The following TPTE2 variants were observed in gnomAD, a reference collection of about 807,000 sequenced individuals.
TPTE2 encodes the protein transmembrane phosphoinositide 3-phosphatase and tensin homolog 2.
In TPTE2, 53 loss-of-function variants were observed where a neutral mutation model predicts 78.6. The ratio of observed to expected loss-of-function variants is 0.67; its 90% CI spans 0.54 to 0.85. The LOEUF (loss-of-function observed/expected upper bound fraction) is 0.85. Ranked by LOEUF, TPTE2 falls within the 40% of genes least tolerant of loss-of-function variation. The probability of loss-of-function intolerance (pLI) is 0.00; values close to 1 mark genes in which losing one functional copy is unlikely to be tolerated. For synonymous variants in TPTE2, 175 were observed against 206.2 expected, an observed-to-expected ratio of 0.85 and a Z score of 1.30; for missense variants, 461 against 623.0, an observed-to-expected ratio of 0.74 and a Z score of 2.77.
intron 10 of TPTE2, among the ~76,000 whole-genome samples, chr13:19,463,973 A>T (rs916739554): frequency 3.9e-5 from 6 of 152,100 alleles, no homozygotes; most frequent in African/African-American, 1.4e-4. Flanking sequence ...TGCATGCAGC[A>T]TATGGTGGCT....
intron 1 of TPTE2, among the ~76,000 whole-genome samples, chr13:19,508,558 G>A (rs1869223744): frequency 6.6e-6 from 1 of 152,022 alleles, no homozygotes. Flanking sequence ...ATAGTAGTTT[G>A]GATACATGTG....
chr13:19,453,522 T>C (rs1355587889), intron 10 of TPTE2, among the ~76,000 whole-genome samples: 2 of 101,286 alleles, frequency 2.0e-5, no homozygotes, highest in Admixed American at 1.3e-4. Context: ...ATGATATATA[T>C]ATATCATTTT....
intron 10 of TPTE2, chr13:19,458,770 C>T: frequency 1.0e-5 from 4 of 397,136 alleles, no homozygotes; most frequent in Non-Finnish European, 2.0e-5. Context: ...GCTCAGAAGC[C>T]AGACATCCCA....
In TPTE2 at chr13:19,493,127, G is replaced by A. The variant is rs113083291; in HGVS notation, c.66-224C>T. On this transcript the variant is annotated intron_variant, in intron 2 of 19. Transcript: ENST00000400230. ...CTTTTTATACAACTCCACCAAAGAA[G>A]GATGCAAAGTTACTAACAAATGCTA... 9.0e-4 allele frequency among the ~76,000 whole-genome samples: 136 copies of A among 151,516 alleles called. 3 individuals carry two copies. The highest frequency in any genetic ancestry group is 3.1e-3 in the African/African-American group (129 of 41,260).
chr13:19,488,389 TAA>T (rs1880785865), intron 3 of TPTE2, among the ~76,000 whole-genome samples: 1 of 152,240 alleles, frequency 6.6e-6, no homozygotes, highest in Non-Finnish European at 1.5e-5. Context: ...TCTCTAAATA[TAA>T]AAGTCCTAGA....
At chr13:19,470,890 TA>T (rs1224768217) in intron 6 of TPTE2, among the ~76,000 whole-genome samples, 9 of 97,834 alleles carry the variant, frequency 9.2e-5, no homozygotes, top group African/African-American at 6.7e-4. Flanking sequence ...CTTTTTATTT[TA>T]TTTATTTATT....
At chr13:19,465,478 A>C (rs138891692) in exon 8 of TPTE2, 2 of 1,608,154 alleles carry the variant, frequency 1.2e-6, no homozygotes, top group African/African-American at 2.7e-5. Flanking sequence ...CCTTCTCATC[A>C]GCTTTTCAAG....
At chr13:19,424,379 T>G (rs1208317369) in intron 19 of TPTE2, among the ~76,000 whole-genome samples, 1 of 152,242 alleles carries the variant, frequency 6.6e-6, no homozygotes, top group African/African-American at 2.4e-5. Context: ...TAGTAATTTT[T>G]CAGAAAGTTT....
intron 4 of TPTE2, among the ~76,000 whole-genome samples, chr13:19,478,584 T>C (rs1044500935): frequency 6.6e-6 from 1 of 152,228 alleles, no homozygotes; most frequent in Admixed American, 6.5e-5. Context: ...AGTTCAACCA[T>C]TGTGGAAGAC....
At chr13:19,443,778 AC>A (rs34686890) in intron 13 of TPTE2, among the ~76,000 whole-genome samples, 12 of 134,906 alleles carry the variant, frequency 8.9e-5, no homozygotes, top group Non-Finnish European at 1.5e-4. Context: ...ACACACACAC[AC>A]AGTCGTTAAG....
intron 1 of TPTE2, among the ~76,000 whole-genome samples, chr13:19,528,641 G>C (rs1312217759): frequency 6.6e-6 from 1 of 152,202 alleles, no homozygotes; most frequent in Non-Finnish European, 1.5e-5. Context: ...TTCCTACAGA[G>C]GGAAATTATT....
exon 9 of TPTE2, chr13:19,465,285 C>G (rs779145245): frequency 6.2e-7 from 1 of 1,613,840 alleles, no homozygotes; most frequent in Non-Finnish European, 8.5e-7. Context: ...AGGTCAAATC[C>G]ATCCCTTGTG....
intron 1 of TPTE2, among the ~76,000 whole-genome samples, chr13:19,500,384 T>C (rs945170610): frequency 1.3e-5 from 2 of 151,864 alleles, no homozygotes; most frequent in African/African-American, 4.8e-5. Context: ...TGATGAACAT[T>C]GATGCAAAAA....
At chr13:19,527,741 C>G (rs1870594866) in intron 1 of TPTE2, among the ~76,000 whole-genome samples, 1 of 152,056 alleles carries the variant, frequency 6.6e-6, no homozygotes. Context: ...GGTGGTGCAC[C>G]CCTGTGGTCC....
At chr13:19,478,310 A>G (rs1481219581) in intron 4 of TPTE2, among the ~76,000 whole-genome samples, 2 of 152,206 alleles carry the variant, frequency 1.3e-5, no homozygotes, top group Non-Finnish European at 2.9e-5. Context: ...AAACAAATTT[A>G]CAAGAAAAAA....
chr13:19,520,783 A>G (rs1447082910), intron 1 of TPTE2, among the ~76,000 whole-genome samples: 1 of 151,862 alleles, frequency 6.6e-6, no homozygotes, highest in Non-Finnish European at 1.5e-5. Context: ...ATAAGTTTTG[A>G]GATGTGGAAT....
chr13:19,523,764 C>T (rs1426945121), intron 1 of TPTE2, among the ~76,000 whole-genome samples: 6 of 152,136 alleles, frequency 3.9e-5, no homozygotes, highest in Admixed American at 3.3e-4. Flanking sequence ...AGCTACCATG[C>T]CCAGCCCCAA....
At chr13:19,481,410 G>T (rs993932077) in intron 4 of TPTE2, among the ~76,000 whole-genome samples, 1 of 152,174 alleles carries the variant, frequency 6.6e-6, no homozygotes, top group African/African-American at 2.4e-5. Context: ...GTGACTTGCT[G>T]AGTATCAGGT....
chr13:19,512,583 A>AC (rs1555255675), intron 1 of TPTE2, among the ~76,000 whole-genome samples: 3 of 148,082 alleles, frequency 2.0e-5, no homozygotes, highest in Admixed American at 1.3e-4. Flanking sequence ...CACAGGAAAC[A>AC]TTTTTTTTTT....
Sources: allele counts gnomAD v4.1 joint callset (sites outside exome capture counted in the v4.1 genomes callset), GRCh38; gene constraint gnomAD v4.1.1; transcripts MANE v1.5; gene names NCBI Gene and HGNC (gene_info 2026-07-23, HGNC 2026-07-21).